SGCZ: variants seen among roughly 807,000 people sequenced by gnomAD.
SGCZ encodes the protein sarcoglycan zeta.
In SGCZ, 40 loss-of-function variants were observed where a neutral mutation model predicts 41.3. The observed-to-expected ratio is 0.97, with a 90% confidence interval of 0.75 to 1.26. SGCZ has a LOEUF of 1.26. SGCZ is among the 50% of genes most tolerant of loss of function. The pLI, the probability that SGCZ is intolerant of heterozygous loss-of-function variation, is 0.00. For synonymous variants in SGCZ, 206 were observed against 137.5 expected (o/e 1.50, Z -3.49); for missense variants, 552 against 369.8 (o/e 1.49, Z -4.04).
chr8:14,285,978 G>C (rs934245901), intron 3 of SGCZ, among the ~76,000 whole-genome samples: 2 of 152,004 alleles, frequency 1.3e-5, no homozygotes, highest in African/African-American at 2.4e-5. Flanking sequence ...TAATGTATGT[G>C]TATCTAAAAG....
intron 2 of SGCZ, among the ~76,000 whole-genome samples, chr8:14,499,173 G>A (rs1373659414): frequency 1.3e-5 from 2 of 151,706 alleles, no homozygotes; most frequent in African/African-American, 4.8e-5. Context: ...TCTAATTATA[G>A]CCATGGATTC....
At chr8:14,802,385 C>A (rs917477595) in intron 1 of SGCZ, among the ~76,000 whole-genome samples, 10 of 152,174 alleles carry the variant, frequency 6.6e-5, no homozygotes, top group Non-Finnish European at 7.4e-5. Context: ...CTGGATAATT[C>A]TAGCATTTTG....
chr8:15,195,313 T>TACGGG (rs1800688009), intron 1 of SGCZ, among the ~76,000 whole-genome samples: 1 of 152,174 alleles, frequency 6.6e-6, no homozygotes, highest in African/African-American at 2.4e-5. Flanking sequence ...AGGACCTGTG[T>TACGGG]ACGGGATTAC....
At chr8:14,112,965 G>C (rs763598883) in intron 5 of SGCZ, among the ~76,000 whole-genome samples, 3 of 151,916 alleles carry the variant, frequency 2.0e-5, no homozygotes, top group Non-Finnish European at 2.9e-5. Flanking sequence ...CCATTAAAAA[G>C]GATTGCTTTG....
intron 2 of SGCZ, among the ~76,000 whole-genome samples, chr8:14,406,997 T>C (rs974388680): frequency 3.9e-5 from 6 of 152,018 alleles, no homozygotes; most frequent in African/African-American, 1.5e-4. Context: ...AAGCCTTGAT[T>C]TTGGAGCCTG....
intron 1 of SGCZ, among the ~76,000 whole-genome samples, chr8:15,117,683 C>A (rs1563135386): frequency 6.6e-6 from 1 of 152,118 alleles, no homozygotes; most frequent in Non-Finnish European, 1.5e-5. Flanking sequence ...AAATGCTACA[C>A]AAAATTTAAA....
chr8:14,318,232 G>T (rs1696300802), intron 3 of SGCZ, among the ~76,000 whole-genome samples: 1 of 151,670 alleles, frequency 6.6e-6, no homozygotes, highest in Non-Finnish European at 1.5e-5. Flanking sequence ...GAGAGGAACA[G>T]GAGGAAGAGG....
chr8:14,797,271 T>C (rs990790885), intron 1 of SGCZ, among the ~76,000 whole-genome samples: 13 of 152,080 alleles, frequency 8.5e-5, no homozygotes, highest in Non-Finnish European at 1.6e-4. Flanking sequence ...TGGAACTTCC[T>C]AGAGACTTGT....
intron 3 of SGCZ, chr8:14,309,232 C>A: frequency 6.6e-7 from 1 of 1,515,534 alleles, no homozygotes; most frequent in Non-Finnish European, 9.1e-7. Flanking sequence ...CTGTTGAAGA[C>A]TTCTGGGCTC....
intron 4 of SGCZ, among the ~76,000 whole-genome samples, chr8:14,194,537 G>A (rs1056135407): frequency 2.0e-5 from 3 of 151,668 alleles, no homozygotes; most frequent in Non-Finnish European, 4.4e-5. Flanking sequence ...GAAGGATGTT[G>A]GCAAGGCTAG....
chr8:14,816,619 C>CTCTA (rs1801909422), intron 1 of SGCZ, among the ~76,000 whole-genome samples: 1 of 152,154 alleles, frequency 6.6e-6, no homozygotes, highest in African/African-American at 2.4e-5. Context: ...TACTAAGTTA[C>CTCTA]TCTAGTTCAG....
At chr8:14,831,788 G>GTGTGTACACATACATGTATA (rs1802538877) in intron 1 of SGCZ, among the ~76,000 whole-genome samples, 1 of 149,850 alleles carries the variant, frequency 6.7e-6, no homozygotes, top group Non-Finnish European at 1.5e-5. Context: ...ACGTATATAT[G>GTGTGTACACATACATGTATA]TGTGTACACA....
At chr8:15,147,647 G>T (rs1394067566) in intron 1 of SGCZ, among the ~76,000 whole-genome samples, 1 of 152,104 alleles carries the variant, frequency 6.6e-6, no homozygotes, top group Non-Finnish European at 1.5e-5. Context: ...GATCCCTTAT[G>T]TAGAATGCAT....
chr8:14,486,552 T>A (rs1801680569), intron 2 of SGCZ, among the ~76,000 whole-genome samples: 2 of 152,236 alleles, frequency 1.3e-5, no homozygotes, highest in Admixed American at 1.3e-4. Context: ...TTAACTGCAC[T>A]TCTTGTGAGT....
intron 2 of SGCZ, among the ~76,000 whole-genome samples, chr8:14,401,411 AT>A (rs1799070826): frequency 7.0e-6 from 1 of 143,684 alleles, no homozygotes; most frequent in African/African-American, 2.6e-5. Flanking sequence ...AGCATTAGGT[AT>A]ATCTCCTAAA....
chr8:14,602,081 C>T (rs1805611371), intron 1 of SGCZ, among the ~76,000 whole-genome samples: 1 of 151,970 alleles, frequency 6.6e-6, no homozygotes, highest in Non-Finnish European at 1.5e-5. Context: ...GATTGCGCCA[C>T]TGCACTCCAG....
At chr8:14,439,791 T>C (rs1800195481) in intron 2 of SGCZ, among the ~76,000 whole-genome samples, 1 of 152,006 alleles carries the variant, frequency 6.6e-6, no homozygotes, top group Admixed American at 6.6e-5. Flanking sequence ...AAACAGTATC[T>C]ATAGGAAGCC....
chr8:14,632,762 T>G (rs1335408167), intron 1 of SGCZ, among the ~76,000 whole-genome samples: 1 of 152,008 alleles, frequency 6.6e-6, no homozygotes, highest in South Asian at 2.1e-4. Context: ...TATTTCTATA[T>G]TGATTTAAAG....
At chr8:14,840,159 T>C (rs1802850669) in intron 1 of SGCZ, among the ~76,000 whole-genome samples, 1 of 152,130 alleles carries the variant, frequency 6.6e-6, no homozygotes, top group Admixed American at 6.5e-5. Flanking sequence ...AATGTAATTA[T>C]CTGCTTAAAA....
Sources: allele counts gnomAD v4.1 joint callset (sites outside exome capture counted in the v4.1 genomes callset), GRCh38; gene constraint gnomAD v4.1.1; transcripts MANE v1.5; gene names NCBI Gene and HGNC (gene_info 2026-07-23, HGNC 2026-07-21).